The following KIF6 variants were observed in gnomAD, a reference collection of about 807,000 sequenced individuals.
The protein encoded by KIF6 is kinesin family member 6, also known as kinesin-like protein KIF6.
Under a neutral mutation model 112.7 loss-of-function variants are expected in KIF6, and 106 were observed. The observed-to-expected ratio is 0.94, with a 90% CI of 0.80 to 1.11. The LOEUF (loss-of-function observed/expected upper bound fraction) is 1.11, where lower values mean the gene tolerates loss of function less well. Ranked by LOEUF, KIF6 falls within the 50% of genes least tolerant of loss-of-function variation. KIF6 has a pLI of 0.00. For missense variants in KIF6, 929 were observed against 964.0 expected, an observed-to-expected ratio of 0.96 and a Z score of 0.48; for synonymous variants, 339 against 339.9, an observed-to-expected ratio of 1.00 and a Z score of 0.03.
At chr6:39,526,576 C>CT (rs1425421057) in intron 13 of KIF6, among the ~76,000 whole-genome samples, 2 of 152,202 alleles carry the variant, frequency 1.3e-5, no homozygotes, top group Non-Finnish European at 2.9e-5. Flanking sequence ...TACTTACTCA[C>CT]TCTCATGTGT....
At chr6:39,580,133 A>G (rs1267921594) in intron 9 of KIF6, among the ~76,000 whole-genome samples, 1 of 152,120 alleles carries the variant, frequency 6.6e-6, no homozygotes, top group Admixed American at 6.5e-5. Context: ...TATCCCATCC[A>G]TAAACATGGT....
At chr6:39,499,642 C>T (rs1341193571) in intron 13 of KIF6, among the ~76,000 whole-genome samples, 1 of 152,140 alleles carries the variant, frequency 6.6e-6, no homozygotes, top group African/African-American at 2.4e-5. Context: ...TTCTGTTTTC[C>T]TCCTAGGACC....
At chr6:39,593,561 A>G (rs1782068360) in intron 7 of KIF6, among the ~76,000 whole-genome samples, 1 of 152,158 alleles carries the variant, frequency 6.6e-6, no homozygotes, top group African/African-American at 2.4e-5. Context: ...TTTTCCTGTG[A>G]AGACACTTGT....
At chr6:39,711,249 G>GA (rs1403778229) in intron 3 of KIF6, among the ~76,000 whole-genome samples, 2 of 24,046 alleles carry the variant, frequency 8.3e-5, no homozygotes, top group Non-Finnish European at 1.9e-4. Context: ...AACAAAAAAA[G>GA]AAAAAAATCC....
intron 19 of KIF6, among the ~76,000 whole-genome samples, chr6:39,351,182 C>T (rs1296977996): frequency 4.4e-4 from 47 of 106,774 alleles, no homozygotes; most frequent in South Asian, 1.9e-3. Context: ...TAGGATTAAA[C>T]TTTTTTTTTT....
intron 7 of KIF6, among the ~76,000 whole-genome samples, chr6:39,590,042 T>C (rs1352317208): frequency 6.6e-6 from 1 of 152,048 alleles, no homozygotes; most frequent in East Asian, 1.9e-4. Flanking sequence ...GGAATGAGGT[T>C]TGAGAGAACC....
In KIF6 at chr6:39,365,248, G is replaced by A. The variant is rs543678947; in HGVS notation, c.1862-2730C>T. ...TTATGTCAATTGCCAACTTTAAATC[G>A]ACAGGCAGAGCAAGTGTCTTATTTC... On this transcript the variant is annotated intron_variant, in intron 16 of 22. Transcript: ENST00000287152. Among the ~76,000 whole-genome samples, 21 of 152,200 alleles carry A rather than the reference G, an allele frequency of 1.4e-4. 1 individual carries two copies. In the South Asian group the frequency reaches 2.1e-3, roughly 15 times the overall value.
chr6:39,656,987 T>C (rs748897037), intron 3 of KIF6, among the ~76,000 whole-genome samples: 4 of 152,080 alleles, frequency 2.6e-5, no homozygotes, highest in Non-Finnish European at 5.9e-5. Flanking sequence ...TCCCAACACT[T>C]TGGGAGGCTG....
intron 15 of KIF6, among the ~76,000 whole-genome samples, chr6:39,399,932 T>C (rs1358896517): frequency 6.6e-6 from 1 of 152,202 alleles, no homozygotes; most frequent in Admixed American, 6.5e-5. Flanking sequence ...CATTAGAGGA[T>C]AGCGTGCCCA....
chr6:39,670,710 G>A (rs1452082872), intron 3 of KIF6, among the ~76,000 whole-genome samples: 2 of 151,958 alleles, frequency 1.3e-5, no homozygotes, highest in Non-Finnish European at 2.9e-5. Context: ...TTGACTTTAG[G>A]GTCTGGCTCA....
intron 3 of KIF6, among the ~76,000 whole-genome samples, chr6:39,646,223 T>C (rs1181508702): frequency 6.7e-6 from 1 of 149,384 alleles, no homozygotes; most frequent in Admixed American, 6.7e-5. Context: ...ATGAAAGTAA[T>C]CAACAACAAA....
chr6:39,626,685 T>C (rs932997725), intron 5 of KIF6, among the ~76,000 whole-genome samples: 1 of 152,306 alleles, frequency 6.6e-6, no homozygotes, highest in Non-Finnish European at 1.5e-5. Context: ...GAGATTTTCC[T>C]GGTATTTCAA....
Position 39,545,532 on chromosome 6 carries a change from A to C in KIF6, c.1287+51T>G, listed in dbSNP as rs368118839. 16 of 1,397,660 alleles carry C rather than the reference A, an allele frequency of 1.1e-5. No homozygotes were observed. In the African/African-American group the frequency reaches 2.1e-4, roughly 19 times the overall value. 86.6% of individuals were successfully genotyped at this position (1,397,660 alleles called of 1,614,324 possible). Reference sequence around the variant, plus strand: ...TGGTCAACTAGAAAAGTTTTTTTGCAGCTTGAACATGGCTGAAAATGGCTT... The same window carrying C: ...TGGTCAACTAGAAAAGTTTTTTTGCCGCTTGAACATGGCTGAAAATGGCTT... On this transcript the variant is annotated intron_variant, in intron 11 of 22. Transcript: ENST00000287152.
chr6:39,360,610 C>A, intron 17 of KIF6, 80 bp from the exon 18 acceptor site: 1 of 1,545,164 alleles, frequency 6.5e-7, no homozygotes. Flanking sequence ...ATGAATGGGG[C>A]CCGTGCCTCA....
chr6:39,481,973 G>T (rs1774824066), intron 13 of KIF6, among the ~76,000 whole-genome samples: 1 of 150,698 alleles, frequency 6.6e-6, no homozygotes, highest in African/African-American at 2.5e-5. Flanking sequence ...AAAACCGTTA[G>T]TTCCTTAGAG....
At chr6:39,702,161 G>A (rs964928482) in intron 3 of KIF6, among the ~76,000 whole-genome samples, 1 of 151,996 alleles carries the variant, frequency 6.6e-6, no homozygotes, top group Non-Finnish European at 1.5e-5. Context: ...TCATCTCCTT[G>A]TCCATAGTGA....
chr6:39,669,971 C>T (rs796080000), intron 3 of KIF6, among the ~76,000 whole-genome samples: 2 of 152,234 alleles, frequency 1.3e-5, no homozygotes, highest in South Asian at 4.1e-4. Context: ...AGCAGATGGC[C>T]TGCTCTCCTC....
chr6:39,714,115 T>A (rs942531008), intron 3 of KIF6, among the ~76,000 whole-genome samples: 2 of 152,168 alleles, frequency 1.3e-5, no homozygotes, highest in Non-Finnish European at 2.9e-5. Flanking sequence ...GACTGTGAAT[T>A]CCTATTAATA....
At chr6:39,478,928 T>C (rs1774621626) in intron 13 of KIF6, among the ~76,000 whole-genome samples, 1 of 152,110 alleles carries the variant, frequency 6.6e-6, no homozygotes, top group Non-Finnish European at 1.5e-5. Flanking sequence ...TTCATGTCCT[T>C]AGCCTACTTT....
Sources: allele counts gnomAD v4.1 joint callset (sites outside exome capture counted in the v4.1 genomes callset), GRCh38; gene constraint gnomAD v4.1.1; transcripts MANE v1.5; gene names NCBI Gene and HGNC (gene_info 2026-07-23, HGNC 2026-07-21).